Variants in APPL1 observed in about 807,000 individuals in gnomAD.
APPL1 encodes DCC-interacting protein 13-alpha.
APPL1 carries 42 observed loss-of-function variants against 106.8 expected under a neutral mutation model. The ratio of observed to expected loss-of-function variants is 0.39; its 90% CI spans 0.31 to 0.51. APPL1 has a LOEUF of 0.51. Ranked by LOEUF, APPL1 falls within the 20% of genes least tolerant of loss-of-function variation. APPL1 has a pLI of 0.75. For missense variants in APPL1, 769 were observed against 858.2 expected (o/e 0.90, Z 1.30); for synonymous variants, 263 against 281.8 (o/e 0.93, Z 0.67).
intron 1 of APPL1, among the ~76,000 whole-genome samples, chr3:57,231,211 C>T (rs1272402249): frequency 2.6e-5 from 4 of 151,012 alleles, no homozygotes; most frequent in Non-Finnish European, 2.9e-5. Context: ...TGGTGGTGGA[C>T]GTCTGTAATC....
chr3:57,271,292 A>G lies in APPL1; in HGVS notation c.*1605A>G, dbSNP rs927736712. ...TATATAGGATCATGATATTCCTTCT[A>G]TCCATGTGCCAAATGGGTGTAATGT... On this transcript the variant is annotated 3_prime_UTR_variant, in exon 22 of 22. Transcript: ENST00000288266. 2 of 152,568 alleles carry G rather than the reference A, an allele frequency of 1.3e-5. No homozygotes were observed. The highest frequency in any genetic ancestry group is 4.8e-5 in the African/African-American group (2 of 41,420). The allele number at this position is 152,568 out of a possible 1,614,324, so 9.5% of individuals were successfully genotyped here.
At chr3:57,247,777 T>C (rs72877606) in intron 9 of APPL1, among the ~76,000 whole-genome samples, 1,920 of 152,268 alleles carry the variant, frequency 0.013, 29 homozygotes, top group African/African-American at 0.036. Flanking sequence ...AACTTGAAAT[T>C]GTGGGAGTTT....
chr3:57,267,532 G>A (rs1439127027), intron 19 of APPL1, among the ~76,000 whole-genome samples: 1 of 152,182 alleles, frequency 6.6e-6, no homozygotes, highest in Non-Finnish European at 1.5e-5. Flanking sequence ...GGGTATATAT[G>A]AAGGTGAGAG....
chr3:57,239,477 C>G (rs1490630109), intron 4 of APPL1, among the ~76,000 whole-genome samples: 1 of 152,106 alleles, frequency 6.6e-6, no homozygotes, highest in Non-Finnish European at 1.5e-5. Flanking sequence ...CCTTTTTTGG[C>G]TAAATAAAAT....
intron 1 of APPL1, chr3:57,230,651 A>G: frequency 3.5e-6 from 1 of 284,326 alleles, no homozygotes; most frequent in Non-Finnish European, 7.4e-6. Context: ...GCTTTTATAA[A>G]TAGGGCTGAG....
At chr3:57,266,642 C>G (rs2060895921) in intron 19 of APPL1, among the ~76,000 whole-genome samples, 1 of 152,164 alleles carries the variant, frequency 6.6e-6, no homozygotes, top group Middle Eastern at 3.4e-3. Context: ...TTATGTTGAT[C>G]TTTTGTATTG....
chr3:57,237,634 T>A, intron 3 of APPL1, 83 bp downstream of exon 3: 1 of 976,644 alleles, frequency 1.0e-6, no homozygotes, highest in Non-Finnish European at 1.5e-6. Context: ...ATCCTTAAGT[T>A]TTCTTGAATT....
At chr3:57,233,799 A>C (rs1465931895) in intron 1 of APPL1, among the ~76,000 whole-genome samples, 1 of 152,142 alleles carries the variant, frequency 6.6e-6, no homozygotes, top group Non-Finnish European at 1.5e-5. Flanking sequence ...ATTTTTGGCC[A>C]TGTGTGGTGG....
chr3:57,229,689 A>G (rs970537010), intron 1 of APPL1, among the ~76,000 whole-genome samples: 3 of 138,652 alleles, frequency 2.2e-5, no homozygotes, highest in Admixed American at 7.4e-5. Context: ...GGCGTGTGCC[A>G]CTGTGCCAGC....
chr3:57,239,740 A>C (rs1484960944), intron 4 of APPL1, among the ~76,000 whole-genome samples: 1 of 152,216 alleles, frequency 6.6e-6, no homozygotes, highest in Non-Finnish European at 1.5e-5. Flanking sequence ...TAAAAGTTAA[A>C]TAATTTTAGA....
chr3:57,252,971 T>G (rs937449954), intron 12 of APPL1, among the ~76,000 whole-genome samples: 1 of 152,202 alleles, frequency 6.6e-6, no homozygotes, highest in Admixed American at 6.5e-5. Flanking sequence ...GCTATAGAGA[T>G]CTACCTTTAT....
chr3:57,258,966 A>AT, intron 15 of APPL1, 62 bp from the exon 16 acceptor site: 1 of 1,249,550 alleles, frequency 8.0e-7, no homozygotes, highest in East Asian at 2.3e-5. Flanking sequence ...TAATAATTAG[A>AT]TTTCTTCTAT....
At position 57,256,974 on chromosome 3, in the gene APPL1, A is replaced by T; in HGVS notation, c.1170A>T (p.Val390=). The stretch of plus-strand genomic sequence containing the variant: ...TGAAATAGGAAACTGCTGCACGAGT[A>T]AATCAATCAGCTCTGGAAGCTGTCA... ...SENPEETAAR[V]NQSALEAVTP... The change falls in exon 14 of 22, where the codon GTA becomes GTT. Residue 390 remains valine (V), a synonymous_variant. Transcript: ENST00000288266. 1 of 1,614,150 alleles carries T rather than the reference A, an allele frequency of 6.2e-7. No individual in the cohort carries two copies. Among genetic ancestry groups the T allele is most frequent in the Non-Finnish European group, 8.5e-7 (1 of 1,180,010 alleles).
chr3:57,249,321 A>T, intron 10 of APPL1, 39 bp from the exon 11 acceptor site: 1 of 1,605,562 alleles, frequency 6.2e-7, no homozygotes, highest in South Asian at 1.1e-5. Flanking sequence ...GATTTCAGGT[A>T]TGTTGTTATT....
chr3:57,242,874 A>G lies in APPL1; in HGVS notation c.434A>G (p.Asn145Ser). The change falls in exon 7 of 22, where the codon AAT becomes AGT. Residue 145 changes from asparagine to serine, a missense_variant. Physicochemically the swap from Asn to Ser is conservative, Grantham distance 46. Transcript: ENST00000288266. ...IASNDHDAAI[N>S]RYSRLSKKRE... ...TTTCCAGATCATGATGCTGCGATTA[A>G]TAGATATAGCCGTTTATCAAAAAAA... is the stretch of plus-strand genomic sequence containing the variant. 6.2e-7 allele frequency: 1 copy of G among 1,612,192 alleles called. No homozygotes were observed. Among genetic ancestry groups the G allele is most frequent in the Non-Finnish European group, 8.5e-7 (1 of 1,178,674 alleles).
chr3:57,266,911 G>A (rs2107612201), intron 19 of APPL1, among the ~76,000 whole-genome samples: 1 of 152,236 alleles, frequency 6.6e-6, no homozygotes, highest in African/African-American at 2.4e-5. Context: ...GTAAACAAGT[G>A]GCTTCGTTCC....
intron 19 of APPL1, among the ~76,000 whole-genome samples, chr3:57,266,295 T>C (rs1239184351): frequency 2.0e-5 from 3 of 152,210 alleles, no homozygotes; most frequent in Non-Finnish European, 4.4e-5. Context: ...AAATGTTTGG[T>C]AGAATTCAGC....
At position 57,273,397 on chromosome 3, in the gene APPL1, C is replaced by T. The variant is rs753641702; in HGVS notation, c.*3710C>T. The T allele has an allele frequency of 6.6e-6, 1 of 152,484 alleles. No homozygotes were observed. Among genetic ancestry groups the T allele is most frequent in the African/African-American group, 2.4e-5 (1 of 41,424 alleles). 9.4% of individuals were successfully genotyped at this position (152,484 alleles called of 1,614,324 possible). A position where few individuals can be genotyped will look rare whatever the true frequency, so the allele number is the denominator to read the frequency against. On this transcript the variant is annotated 3_prime_UTR_variant, in exon 22 of 22. Coordinates refer to ENST00000288266, the MANE Select transcript of APPL1 (RefSeq NM_012096.3). ...CAATAGGTATATACTGACAAGGCTT[C>T]AGGAAAAAAGTTGTTAGAAGATTTT...
At chr3:57,250,022 A>G (rs1199768268) in intron 11 of APPL1, among the ~76,000 whole-genome samples, 2 of 152,226 alleles carry the variant, frequency 1.3e-5, no homozygotes, top group South Asian at 2.1e-4. Flanking sequence ...CAGAAATTCT[A>G]ACATATGTAA....
Sources: allele counts gnomAD v4.1 joint callset (sites outside exome capture counted in the v4.1 genomes callset), GRCh38; gene constraint gnomAD v4.1.1; transcripts MANE v1.5; gene names NCBI Gene and HGNC (gene_info 2026-07-23, HGNC 2026-07-21).